ELOC: variants seen among roughly 807,000 people sequenced by gnomAD.
The protein encoded by ELOC is elongin C, also known as elongin-C.
For synonymous variants in ELOC, 40 were observed against 51.3 expected (o/e 0.78, Z 0.94); for missense variants, 38 against 139.0 (o/e 0.27, Z 3.65).
At chr8:73,950,876 A>C (rs1813706697) in intron 3 of ELOC, among the ~76,000 whole-genome samples, 1 of 152,244 alleles carries the variant, frequency 6.6e-6, no homozygotes, top group South Asian at 2.1e-4. Context: ...ATAAAAGAAA[A>C]GGTGCAGGGG....
At chr8:73,969,306 A>AT (rs200111720) in intron 1 of ELOC, among the ~76,000 whole-genome samples, 344 of 151,694 alleles carry the variant, frequency 2.3e-3, no homozygotes, top group African/African-American at 6.5e-3. Flanking sequence ...TTCAAAAAAC[A>AT]TTTTTTTTTG....
chr8:73,967,301 A>C (rs2131186388), intron 1 of ELOC, among the ~76,000 whole-genome samples: 1 of 152,234 alleles, frequency 6.6e-6, no homozygotes, highest in South Asian at 2.1e-4. Flanking sequence ...CCAAAAAATA[A>C]GTATTTTTTG....
intron 2 of ELOC, among the ~76,000 whole-genome samples, chr8:73,958,941 C>T (rs1814398569): frequency 6.6e-6 from 1 of 152,128 alleles, no homozygotes; most frequent in Non-Finnish European, 1.5e-5. Context: ...TATGGTGTAA[C>T]CTACTGCTCC....
chr8:73,962,852 A>C (rs1466331892), intron 1 of ELOC, among the ~76,000 whole-genome samples: 2 of 152,238 alleles, frequency 1.3e-5, no homozygotes, highest in Non-Finnish European at 1.5e-5. Context: ...AGGGAAAATC[A>C]ACATTAAGAG....
At chr8:73,965,248 T>C (rs1814895397) in intron 1 of ELOC, among the ~76,000 whole-genome samples, 1 of 152,134 alleles carries the variant, frequency 6.6e-6, no homozygotes, top group Non-Finnish European at 1.5e-5. Flanking sequence ...CTCAACATTA[T>C]TACTTATCAG....
chr8:73,959,923 C>T (rs916041880), intron 1 of ELOC, 105 bp from the exon 2 acceptor site: 7 of 497,650 alleles, frequency 1.4e-5, no homozygotes, highest in Non-Finnish European at 2.4e-5. Context: ...ACTCTCCCTC[C>T]TGGTTACATT....
intron 2 of ELOC, among the ~76,000 whole-genome samples, chr8:73,958,243 C>A (rs1315532234): frequency 6.6e-6 from 1 of 152,056 alleles, no homozygotes; most frequent in Non-Finnish European, 1.5e-5. Context: ...TAGGCGTGCA[C>A]CACCATGCCT....
chr8:73,959,951 A>G (rs1376696121), intron 1 of ELOC, 133 bp from the exon 2 acceptor site: 1 of 425,104 alleles, frequency 2.4e-6, no homozygotes, highest in East Asian at 3.6e-5. Flanking sequence ...CACCATTCCT[A>G]CAACAAAAAC....
At chr8:73,965,190 ATCCAATTAAAGT>A (rs1191213891) in intron 1 of ELOC, among the ~76,000 whole-genome samples, 1 of 152,166 alleles carries the variant, frequency 6.6e-6, no homozygotes, top group Non-Finnish European at 1.5e-5. Context: ...TAAAAAAAAA[ATCCAATTAAAGT>A]TGGGCAGAAG....
intron 2 of ELOC, 95 bp from the exon 3 acceptor site, chr8:73,956,149 C>T (rs1312483645): frequency 1.7e-6 from 2 of 1,198,380 alleles, no homozygotes; most frequent in Non-Finnish European, 1.2e-6. Context: ...GCCTGTAATC[C>T]CAGCACTTTG....
At chr8:73,964,864 A>G (rs547159694) in intron 1 of ELOC, among the ~76,000 whole-genome samples, 1 of 152,026 alleles carries the variant, frequency 6.6e-6, no homozygotes, top group South Asian at 2.1e-4. Flanking sequence ...CCGTTTCTAT[A>G]AAAAATAGAA....
At chr8:73,964,092 T>TAAAAA (rs1814796988) in intron 1 of ELOC, among the ~76,000 whole-genome samples, 2 of 3,158 alleles carry the variant, frequency 6.3e-4, no homozygotes, top group Admixed American at 3.1e-3. Flanking sequence ...AAATTCCGTC[T>TAAAAA]CAAAAAAAAA....
At chr8:73,949,630 T>C (rs1160111350) in intron 3 of ELOC, among the ~76,000 whole-genome samples, 1 of 152,246 alleles carries the variant, frequency 6.6e-6, no homozygotes, top group African/African-American at 2.4e-5. Flanking sequence ...ACTCTGGATA[T>C]TTCATAAAAA....
intron 2 of ELOC, among the ~76,000 whole-genome samples, chr8:73,958,382 C>G (rs1814352722): frequency 6.6e-6 from 1 of 152,094 alleles, no homozygotes; most frequent in Non-Finnish European, 1.5e-5. Flanking sequence ...TGATTTAATT[C>G]TCAGACCCAG....
intron 3 of ELOC, among the ~76,000 whole-genome samples, chr8:73,949,207 G>C (rs1401958862): frequency 6.6e-6 from 1 of 152,178 alleles, no homozygotes; most frequent in Non-Finnish European, 1.5e-5. Context: ...TTATATATCT[G>C]TTGGTTGGGG....
At chr8:73,956,142 T>A in intron 2 of ELOC, 88 bp from the exon 3 acceptor site, 1 of 1,254,226 alleles carries the variant, frequency 8.0e-7, no homozygotes, top group Non-Finnish European at 1.1e-6. Context: ...GGCTCACGCC[T>A]GTAATCCCAG....
chr8:73,963,402 CTACTTTTAGG>C (rs1348264433), intron 1 of ELOC, among the ~76,000 whole-genome samples: 1 of 152,044 alleles, frequency 6.6e-6, no homozygotes, highest in African/African-American at 2.4e-5. Context: ...CTTGTTAGGT[CTACTTTTAGG>C]TACTTTTAAG....
Position 73,959,809 on chromosome 8 carries a change from T to C in ELOC, c.-41A>G. On this transcript the variant is annotated 5_prime_UTR_variant, in exon 2 of 4. Transcript: ENST00000520242. ...TTCTACTTTGCTTCCCCAGGAACTT[T>C]AGTAGTTTCCTGAAAATATAACAAT... 6.6e-7 allele frequency: 1 copy of C among 1,521,174 alleles called. No individual in the cohort carries two copies. The highest frequency in any genetic ancestry group is 8.8e-7 in the Non-Finnish European group (1 of 1,130,972). The allele number at this position is 1,521,174 out of a possible 1,614,324, so 94.2% of individuals were successfully genotyped here.
intron 1 of ELOC, among the ~76,000 whole-genome samples, chr8:73,970,238 A>G (rs1254583980): frequency 6.6e-6 from 1 of 152,172 alleles, no homozygotes; most frequent in Non-Finnish European, 1.5e-5. Context: ...ACAGAGTGAG[A>G]CTCTGACTCA....
Sources: gnomAD v4.1 joint callset for allele counts (sites outside exome capture counted in the v4.1 genomes callset) on GRCh38, gnomAD v4.1.1 for gene constraint, MANE v1.5 for transcripts, NCBI Gene and HGNC (gene_info 2026-07-23, HGNC 2026-07-21) for gene names.